AOPEP: variants seen among roughly 807,000 people sequenced by gnomAD.
AOPEP encodes the protein aminopeptidase O (putative), also known as aminopeptidase O.
In AOPEP, 77 loss-of-function variants were observed where a neutral mutation model predicts 98.1. The ratio of observed to expected loss-of-function variants is 0.78; its 90% CI spans 0.65 to 0.95. The LOEUF (loss-of-function observed/expected upper bound fraction) is 0.95, where lower values mean the gene tolerates loss of function less well. Among genes scored for constraint, AOPEP ranks in the 40% least tolerant of loss-of-function variants. AOPEP has a pLI of 0.00. For missense variants in AOPEP, 1,024 were observed against 1,024.7 expected (o/e 1.00, Z 0.01); for synonymous variants, 346 against 365.3 (o/e 0.95, Z 0.60).
the AOPEP span, chr9:95,145,312 CATT>C: frequency 6.6e-6 from 1 of 152,116 alleles, no homozygotes; most frequent in Non-Finnish European, 1.5e-5. Context: ...TACAACAAAA[CATT>C]AGGAACAAGA....
In AOPEP at chr9:95,022,839, C is replaced by T. The variant is rs148853941; in HGVS notation, c.2115+17223C>T. On this transcript the variant is annotated intron_variant, in intron 13 of 16. Transcript: ENST00000375315. The stretch of plus-strand genomic sequence containing the variant: ...GTGGATGGAAACATTTCCCCCCTTG[C>T]CCAGAACATGTGTGGTTTCCATTAA... Among the ~76,000 whole-genome samples, 1,148 of 152,276 alleles carry T rather than the reference C, an allele frequency of 7.5e-3. 9 individuals carry two copies. The highest frequency in any genetic ancestry group is 0.01 in the Non-Finnish European group (713 of 68,020).
At chr9:94,860,265 G>A (rs541491559) in intron 5 of AOPEP, among the ~76,000 whole-genome samples, 62 of 152,312 alleles carry the variant, frequency 4.1e-4, no homozygotes, top group African/African-American at 1.4e-3. Context: ...ATGGAATTTA[G>A]TGACCTATGG....
At chr9:95,126,402 C>T in the AOPEP span, 1 of 928,848 alleles carries the variant, frequency 1.1e-6, no homozygotes, top group Non-Finnish European at 1.7e-6. Flanking sequence ...CTCAGAGGAA[C>T]AGGAGGGAAT....
intron 5 of AOPEP, among the ~76,000 whole-genome samples, chr9:94,840,377 T>C (rs1275036627): frequency 6.6e-6 from 1 of 152,242 alleles, no homozygotes; most frequent in Non-Finnish European, 1.5e-5. Flanking sequence ...ATTCTTCTTA[T>C]ATATTGTTGG....
rs1413475209 is a variant in AOPEP at position 94,759,840 on chromosome 9, C to T, written c.57C>T (p.Ser19=). 3 of 1,613,970 alleles carry T rather than the reference C, an allele frequency of 1.9e-6. No homozygotes were observed. Among genetic ancestry groups the T allele is most frequent in the African/African-American group, 2.7e-5 (2 of 74,904 alleles). The part of the protein sequence containing the change: ...RDDLPLMANT[S]HILVKHYVLD... ...ACCTGCCTCTCATGGCCAACACCAGCCACATACTTGTGAAGCACTATGTAC... is the reference window on the plus strand; with the variant it reads ...ACCTGCCTCTCATGGCCAACACCAGTCACATACTTGTGAAGCACTATGTAC... Residue 19 remains serine, a synonymous_variant, in exon 2 of 17, where the codon AGC becomes AGT. Coordinates refer to ENST00000375315, the MANE Select transcript of AOPEP (RefSeq NM_001193329.3).
chr9:94,880,947 AG>A (rs1299431253), intron 5 of AOPEP, among the ~76,000 whole-genome samples: 2 of 152,162 alleles, frequency 1.3e-5, no homozygotes, highest in African/African-American at 4.8e-5. Context: ...AATCAACACA[AG>A]GGGCTACTAG....
chr9:95,097,173 C>T, the AOPEP span, among the ~76,000 whole-genome samples: 1 of 152,212 alleles, frequency 6.6e-6, no homozygotes, highest in Non-Finnish European at 1.5e-5. Context: ...TGAAAAGGCT[C>T]ACCTCTGCCT....
intron 5 of AOPEP, among the ~76,000 whole-genome samples, chr9:94,921,687 A>G (rs73657015): frequency 0.039 from 5,948 of 152,262 alleles, 409 homozygotes; most frequent in African/African-American, 0.14. Flanking sequence ...TTTCCTTCAT[A>G]GGGAAATAGC....
chr9:94,780,676 A>G (rs570627387), intron 3 of AOPEP, among the ~76,000 whole-genome samples: 7 of 152,264 alleles, frequency 4.6e-5, no homozygotes, highest in Non-Finnish European at 1.0e-4. Flanking sequence ...ATGTGGATAC[A>G]AGATGATGCT....
intron 5 of AOPEP, among the ~76,000 whole-genome samples, chr9:94,823,393 T>C (rs1184278965): frequency 6.6e-6 from 1 of 152,240 alleles, no homozygotes; most frequent in Non-Finnish European, 1.5e-5. Context: ...AACACATGGT[T>C]AGTCATGCCT....
chr9:95,110,425 C>CTTAA, the AOPEP span: 4,880 of 1,026,252 alleles, frequency 4.8e-3, 177 homozygotes, highest in African/African-American at 0.078. Flanking sequence ...CAGGATTTTC[C>CTTAA]TTAGCTTAAC....
intron 1 of AOPEP, among the ~76,000 whole-genome samples, chr9:94,733,925 A>G (rs1831145090): frequency 6.6e-6 from 1 of 152,198 alleles, no homozygotes; most frequent in Non-Finnish European, 1.5e-5. Flanking sequence ...ATTCAAAACC[A>G]TTTAGAGAGA....
intron 13 of AOPEP, among the ~76,000 whole-genome samples, chr9:95,047,152 G>A (rs954619476): frequency 8.5e-5 from 13 of 152,136 alleles, no homozygotes; most frequent in Non-Finnish European, 1.8e-4. Flanking sequence ...ATAAATGCAT[G>A]GAATGGGACT....
At chr9:94,727,787 G>A (rs1829543997) in intron 1 of AOPEP, among the ~76,000 whole-genome samples, 1 of 152,110 alleles carries the variant, frequency 6.6e-6, no homozygotes, top group African/African-American at 2.4e-5. Context: ...GGGGGACAAA[G>A]TAGAATAAGG....
chr9:94,957,949 G>A (rs2138047152), intron 9 of AOPEP, among the ~76,000 whole-genome samples: 1 of 152,192 alleles, frequency 6.6e-6, no homozygotes, highest in South Asian at 2.1e-4. Flanking sequence ...CCATTTTTAA[G>A]TTCACAGGTC....
intron 7 of AOPEP, among the ~76,000 whole-genome samples, chr9:94,946,997 GAT>G (rs2057707737): frequency 6.7e-6 from 1 of 148,344 alleles, no homozygotes; most frequent in African/African-American, 2.5e-5. Flanking sequence ...TTTTTTTCGA[GAT>G]AGAGTCTCGC....
At chr9:94,808,337 G>A (rs1356121186) in intron 5 of AOPEP, among the ~76,000 whole-genome samples, 1 of 152,218 alleles carries the variant, frequency 6.6e-6, no homozygotes, top group Non-Finnish European at 1.5e-5. Context: ...ACCGTGCCCA[G>A]CCTCAGCTTT....
chr9:95,024,177 T>G (rs1020694553), intron 13 of AOPEP, among the ~76,000 whole-genome samples: 3 of 152,224 alleles, frequency 2.0e-5, no homozygotes, highest in Non-Finnish European at 2.9e-5. Flanking sequence ...CCAGGCAGGT[T>G]GTTGTTTTTC....
chr9:94,858,441 G>T (rs1042562029), intron 5 of AOPEP, among the ~76,000 whole-genome samples: 9 of 152,162 alleles, frequency 5.9e-5, no homozygotes, highest in African/African-American at 1.9e-4. Context: ...AAATCAGTAC[G>T]ACCAGTAGGC....
Sources: gnomAD v4.1 joint callset for allele counts (sites outside exome capture counted in the v4.1 genomes callset) on GRCh38, gnomAD v4.1.1 for gene constraint, MANE v1.5 for transcripts, NCBI Gene and HGNC (gene_info 2026-07-23, HGNC 2026-07-21) for gene names.